DNAJC2: variants seen among roughly 807,000 people sequenced by gnomAD.
DNAJC2 encodes the protein dnaJ homolog subfamily C member 2.
Under a neutral mutation model 94.0 loss-of-function variants are expected in DNAJC2, and 32 were observed. The ratio of observed to expected loss-of-function variants is 0.34; its 90% confidence interval spans 0.26 to 0.46. DNAJC2 has a LOEUF of 0.46. Ranked by LOEUF, DNAJC2 falls within the 20% of genes least tolerant of loss-of-function variation. The probability of loss-of-function intolerance (pLI) is 1.00; values close to 1 mark genes in which losing one functional copy is unlikely to be tolerated. For missense variants in DNAJC2, 550 were observed against 719.5 expected (o/e 0.76, Z 2.69); for synonymous variants, 210 against 229.7 (o/e 0.91, Z 0.77).
At chr7:103,315,443 A>G (rs1345929489) in intron 15 of DNAJC2, among the ~76,000 whole-genome samples, 1 of 152,130 alleles carries the variant, frequency 6.6e-6, no homozygotes, top group Admixed American at 6.6e-5. Flanking sequence ...TAATTACAGT[A>G]CATTTCTCAA....
At chr7:103,337,689 G>T in intron 3 of DNAJC2, 47 bp downstream of exon 3, 1 of 1,432,438 alleles carries the variant, frequency 7.0e-7, no homozygotes, top group Non-Finnish European at 9.8e-7. Flanking sequence ...TAGCCAGCCT[G>T]TTCCTATACA....
At chr7:103,325,029 C>T (rs1818627032) in intron 5 of DNAJC2, among the ~76,000 whole-genome samples, 1 of 152,226 alleles carries the variant, frequency 6.6e-6, no homozygotes, top group Non-Finnish European at 1.5e-5. Flanking sequence ...TTTCTCGGCT[C>T]AGCACTTCAT....
intron 3 of DNAJC2, among the ~76,000 whole-genome samples, chr7:103,334,847 A>G (rs1400474793): frequency 6.6e-6 from 1 of 152,046 alleles, no homozygotes; most frequent in Non-Finnish European, 1.5e-5. Context: ...TTTTTTGGGC[A>G]TTTTTTGAGG....
At chr7:103,324,410 ACAAT>A (rs1055699961) in intron 6 of DNAJC2, 68 bp downstream of exon 6, 6 of 1,289,462 alleles carry the variant, frequency 4.7e-6, no homozygotes, top group South Asian at 1.6e-5. Flanking sequence ...TAATTTATAA[ACAAT>A]CAAGTACTTA....
In DNAJC2 at chr7:103,312,640, G is replaced by T; in HGVS notation, c.1795C>A (p.Leu599Ile). 7.4e-6 allele frequency: 12 copies of T among 1,612,984 alleles called. No homozygotes were observed. The highest frequency in any genetic ancestry group is 1.0e-5 in the Non-Finnish European group (12 of 1,179,702). Reference protein sequence around the residue: ...KKDCMKRYKELVEMVKAKKAA... With the variant: ...KKDCMKRYKEIVEMVKAKKAA... The stretch of plus-strand genomic sequence containing the variant: ...TTCTTTGCTTTTACCATCTCGACAA[G>T]TTCCTAGGAAGGGAGAAAGGTGTGA... The change falls in exon 17 of 17, where the codon CTT becomes ATT. Residue 599 changes from leucine to isoleucine, a missense_variant. Transcript: ENST00000379263.
chr7:103,321,155 G>A (rs566466932), intron 10 of DNAJC2, among the ~76,000 whole-genome samples: 7 of 152,114 alleles, frequency 4.6e-5, no homozygotes, highest in East Asian at 3.9e-4. Context: ...CCGAGATGGC[G>A]CCACTGCACT....
chr7:103,331,819 A>G (rs1484892559), intron 3 of DNAJC2, among the ~76,000 whole-genome samples: 1 of 152,130 alleles, frequency 6.6e-6, no homozygotes, highest in African/African-American at 2.4e-5. Context: ...AAAACATGGG[A>G]GTGCAGGTAC....
intron 3 of DNAJC2, among the ~76,000 whole-genome samples, chr7:103,334,222 A>G (rs892855498): frequency 1.3e-5 from 2 of 150,796 alleles, no homozygotes; most frequent in African/African-American, 2.4e-5. Flanking sequence ...AAGTGCTGGG[A>G]TTACAGGTGT....
In DNAJC2 at chr7:103,316,958, C is replaced by CAT; in HGVS notation, c.1297_1298dup (p.Met433IlefsTer31). 1 of 1,614,020 alleles carries CAT rather than the reference C, an allele frequency of 6.2e-7. No homozygotes were observed. Among genetic ancestry groups the CAT allele is most frequent in the Non-Finnish European group, 8.5e-7 (1 of 1,180,010 alleles). Reference sequence around the variant, plus strand: ...TCTCTGTGTTCTTAGATGCTTGTCGCATACGAGCCTCAGCTTCCTCTTTCT... The same window carrying CAT: ...TCTCTGTGTTCTTAGATGCTTGTCGCATATACGAGCCTCAGCTTCCTCTTTCT... On this transcript the variant is annotated frameshift_variant, in exon 13 of 17. Transcript: ENST00000379263. LOFTEE classifies it high-confidence loss of function.
intron 5 of DNAJC2, among the ~76,000 whole-genome samples, chr7:103,325,460 A>C (rs944976151): frequency 1.3e-5 from 2 of 151,004 alleles, no homozygotes; most frequent in African/African-American, 4.8e-5. Context: ...AAAAAAAAAA[A>C]ACCAAAAAAC....
At chr7:103,330,096 T>A (rs1166724732) in intron 3 of DNAJC2, among the ~76,000 whole-genome samples, 1 of 152,210 alleles carries the variant, frequency 6.6e-6, no homozygotes, top group Non-Finnish European at 1.5e-5. Context: ...AAAATTCTTA[T>A]CAAAACGGAA....
intron 10 of DNAJC2, 109 bp downstream of exon 10, chr7:103,321,823 G>A (rs1818435943): frequency 1.6e-6 from 2 of 1,286,034 alleles, no homozygotes; most frequent in Non-Finnish European, 1.1e-6. Flanking sequence ...ACTCCAGCCT[G>A]GGCGACAGAG....
intron 2 of DNAJC2, among the ~76,000 whole-genome samples, chr7:103,338,335 T>G (rs997906916): frequency 4.0e-5 from 6 of 150,606 alleles, no homozygotes; most frequent in African/African-American, 1.2e-4. Context: ...CTTGCTCTGT[T>G]GCCCAGGCTG....
intron 3 of DNAJC2, among the ~76,000 whole-genome samples, chr7:103,331,331 C>A (rs1233921299): frequency 6.6e-6 from 1 of 152,212 alleles, no homozygotes; most frequent in Non-Finnish European, 1.5e-5. Context: ...TATCTATCAA[C>A]TTGAGTGTTT....
rs370642071 is a variant in DNAJC2 at position 103,326,517 on chromosome 7, T to C, written c.572+26A>G. ...CAATAAACAAGCCAACAGGGCACTATGATCAAAAGGGATGCCTTAACTTAC... is the reference window on the plus strand; with the variant it reads ...CAATAAACAAGCCAACAGGGCACTACGATCAAAAGGGATGCCTTAACTTAC... On this transcript the variant is annotated intron_variant, in intron 5 of 16. Coordinates refer to ENST00000379263, the MANE Select transcript of DNAJC2 (RefSeq NM_014377.3). 50 of 1,612,724 alleles carry C rather than the reference T, an allele frequency of 3.1e-5. No homozygotes were observed. In the African/African-American group the frequency reaches 6.3e-4, roughly 20 times the overall value.
intron 4 of DNAJC2, 23 bp downstream of exon 4, chr7:103,327,633 C>G: frequency 1.4e-6 from 2 of 1,463,800 alleles, no homozygotes; most frequent in Non-Finnish European, 1.9e-6. Context: ...TTAGAAATTC[C>G]TGACTCTAAA....
At position 103,325,449 on chromosome 7, in the gene DNAJC2, GA is replaced by G. The variant is rs35877928; in HGVS notation, c.573-888del. On this transcript the variant is annotated intron_variant, in intron 5 of 16. Coordinates refer to ENST00000379263, the MANE Select transcript of DNAJC2 (RefSeq NM_014377.3). ...AAGATACTGTCTCAAAATAAAAAAG[GA>G]AAAAAAAAAAACCAAAAAACAGGTG... Among the ~76,000 whole-genome samples the G allele has an allele frequency of 4.1e-3, 598 of 146,014 alleles. 4 individuals are homozygous for G. The highest frequency in any genetic ancestry group is 0.014 in the African/African-American group (573 of 39,586).
intron 15 of DNAJC2, among the ~76,000 whole-genome samples, chr7:103,314,995 GAC>G (rs1057265779): frequency 2.6e-5 from 4 of 151,998 alleles, no homozygotes; most frequent in Non-Finnish European, 4.4e-5. Context: ...CCTAAACAAA[GAC>G]ACACGTGATC....
Position 103,314,417 on chromosome 7 carries a change from C to G in DNAJC2, c.1637-1316G>C, listed in dbSNP as rs968854162. ...AAAAGAGGCAAAGGAGTCATACCCA[C>G]ATAGCACTACTGCCAGTCACTCTTG... On this transcript the variant is annotated intron_variant, in intron 15 of 16. Coordinates refer to ENST00000379263, the MANE Select transcript of DNAJC2 (RefSeq NM_014377.3). 1.5e-5 allele frequency: 15 copies of G among 985,316 alleles called. No homozygotes were observed. The African/African-American group carries it at 2.4e-4, about 16-fold the overall frequency. 61.0% of individuals were successfully genotyped at this position (985,316 alleles called of 1,614,324 possible).
Sources: gnomAD v4.1 joint callset for allele counts (sites outside exome capture counted in the v4.1 genomes callset) on GRCh38, gnomAD v4.1.1 for gene constraint, MANE v1.5 for transcripts, NCBI Gene and HGNC (gene_info 2026-07-23, HGNC 2026-07-21) for gene names.